CCDC201: variants seen among roughly 807,000 people sequenced by gnomAD.
The protein encoded by CCDC201 is coiled-coil domain-containing protein 201.
At chr7:45,884,910 A>G in the CCDC201 span, among the ~76,000 whole-genome samples, 3 of 152,082 alleles carry the variant, frequency 2.0e-5, no homozygotes, top group Admixed American at 1.3e-4. Flanking sequence ...TACCTGCCCT[A>G]CATTGGAAGG....
At chr7:45,875,859 T>C (rs1786795219), upstream of CCDC201, among the ~76,000 whole-genome samples, 1 of 152,160 alleles carries the variant, frequency 6.6e-6, no homozygotes, top group Non-Finnish European at 1.5e-5. Context: ...AGCACAAAAG[T>C]CTAAGTTCCC....
At chr7:45,869,632 T>G (rs1786719801) in intron 1 of CCDC201, among the ~76,000 whole-genome samples, 1 of 152,156 alleles carries the variant, frequency 6.6e-6, no homozygotes, top group Non-Finnish European at 1.5e-5. Flanking sequence ...TTGTGTGAAC[T>G]CCAAATAACC....
At chr7:45,874,202 A>G (rs1011947142), upstream of CCDC201, among the ~76,000 whole-genome samples, 2 of 152,152 alleles carry the variant, frequency 1.3e-5, no homozygotes, top group African/African-American at 4.8e-5. Context: ...GTGAGCCACC[A>G]TGCACGGCCA....
chr7:45,884,223 C>T, the CCDC201 span, among the ~76,000 whole-genome samples: 1 of 152,132 alleles, frequency 6.6e-6, no homozygotes, highest in Non-Finnish European at 1.5e-5. Context: ...ACCTCAGCCT[C>T]CTGAATAGCT....
the CCDC201 span, among the ~76,000 whole-genome samples, chr7:45,880,446 G>A: frequency 2.0e-5 from 3 of 152,040 alleles, no homozygotes; most frequent in African/African-American, 7.2e-5. Flanking sequence ...CACCATATGC[G>A]GGTGATGGCA....
upstream of CCDC201, among the ~76,000 whole-genome samples, chr7:45,877,349 A>G (rs1389919879): frequency 2.0e-5 from 3 of 152,196 alleles, no homozygotes; most frequent in South Asian, 4.2e-4. Context: ...TTTTGACCCC[A>G]GGATGTAAAT....
intron 2 of CCDC201, among the ~76,000 whole-genome samples, chr7:45,863,925 G>A (rs1015535895): frequency 4.6e-5 from 7 of 152,180 alleles, no homozygotes; most frequent in South Asian, 2.1e-4. Flanking sequence ...ACCGGGAGGC[G>A]TCCTGGAGCA....
At chr7:45,883,384 G>T in the CCDC201 span, among the ~76,000 whole-genome samples, 1 of 151,014 alleles carries the variant, frequency 6.6e-6, no homozygotes, top group Non-Finnish European at 1.5e-5. Flanking sequence ...GATTGCACAG[G>T]GGGGCACTGA....
In CCDC201 at chr7:45,863,454, G is replaced by T. The variant is rs755826093; in HGVS notation, c.478-283C>A. 5.9e-4 allele frequency among the ~76,000 whole-genome samples: 90 copies of T among 152,174 alleles called. 1 individual carries two copies. Among genetic ancestry groups the T allele is most frequent in the Non-Finnish European group, 1.1e-3 (72 of 68,026 alleles). On this transcript the variant is annotated intron_variant, in intron 2 of 2. Transcript: ENST00000636578. ...ACAAAGGAGGGGACAGGGACAAAAA[G>T]TTCCAGGGAAGGGGCAGACAGGCTG...
At chr7:45,876,886 C>T (rs1457566493), upstream of CCDC201, among the ~76,000 whole-genome samples, 2 of 152,260 alleles carry the variant, frequency 1.3e-5, no homozygotes, top group Non-Finnish European at 2.9e-5. Flanking sequence ...AAACCTCTCA[C>T]TGCGCAGGAC....
chr7:45,875,259 C>A (rs1786787950), upstream of CCDC201, among the ~76,000 whole-genome samples: 1 of 152,064 alleles, frequency 6.6e-6, no homozygotes, highest in African/African-American at 2.4e-5. Flanking sequence ...CTTTGGGAGG[C>A]TGAGACAAGT....
the CCDC201 span, among the ~76,000 whole-genome samples, chr7:45,882,883 T>A: frequency 1.3e-5 from 2 of 152,188 alleles, no homozygotes; most frequent in East Asian, 3.9e-4. Context: ...CAACTGTTCA[T>A]CCCTGCCTCC....
the CCDC201 span, among the ~76,000 whole-genome samples, chr7:45,878,855 C>T: frequency 8.5e-5 from 13 of 152,252 alleles, no homozygotes; most frequent in Admixed American, 6.5e-4. Flanking sequence ...TTATTTTCTA[C>T]TACATGGCTA....
At chr7:45,874,774 G>A (rs1301719988), upstream of CCDC201, among the ~76,000 whole-genome samples, 2 of 152,240 alleles carry the variant, frequency 1.3e-5, no homozygotes, top group African/African-American at 4.8e-5. Flanking sequence ...AGTGCTGAGA[G>A]TGGCTCGAAA....
the CCDC201 span, among the ~76,000 whole-genome samples, chr7:45,885,143 A>G: frequency 6.6e-6 from 1 of 152,198 alleles, no homozygotes; most frequent in Non-Finnish European, 1.5e-5. Context: ...ATGGAAGTTC[A>G]GGCACTGAGA....
the CCDC201 span, among the ~76,000 whole-genome samples, chr7:45,883,452 G>A: frequency 6.6e-6 from 1 of 152,090 alleles, no homozygotes; most frequent in African/African-American, 2.4e-5. Context: ...TGGAGAAGGG[G>A]TCATAGGAGG....
intron 2 of CCDC201, among the ~76,000 whole-genome samples, chr7:45,863,866 G>C (rs1257772564): frequency 1.3e-5 from 2 of 152,180 alleles, no homozygotes; most frequent in Admixed American, 1.3e-4. Flanking sequence ...GTGGCCTCCA[G>C]AGGGCCAGCT....
At chr7:45,871,645 C>G (rs1288784843) in intron 1 of CCDC201, among the ~76,000 whole-genome samples, 1 of 152,128 alleles carries the variant, frequency 6.6e-6, no homozygotes, top group Non-Finnish European at 1.5e-5. Context: ...AATGCAAAGA[C>G]AAAAGATGAA....
At chr7:45,873,384 GA>G (rs11377263), upstream of CCDC201, among the ~76,000 whole-genome samples, 4,509 of 144,310 alleles carry the variant, frequency 0.031, 76 homozygotes, top group Non-Finnish European at 0.036. Context: ...AAGGCAACTG[GA>G]AAAAAAAAAA....
Sources: gnomAD v4.1 joint callset for allele counts (sites outside exome capture counted in the v4.1 genomes callset) on GRCh38, gnomAD v4.1.1 for gene constraint, MANE v1.5 for transcripts, NCBI Gene and HGNC (gene_info 2026-07-23, HGNC 2026-07-21) for gene names.